The following CD96 variants were observed in gnomAD, a reference collection of about 807,000 sequenced individuals.
The protein encoded by CD96 is T-cell surface protein tactile.
CD96 carries 70 observed loss-of-function variants against 71.3 expected under a neutral mutation model. That is an observed-to-expected ratio of 0.98 (90% CI 0.81 to 1.20). The LOEUF (loss-of-function observed/expected upper bound fraction) is 1.20, where lower values mean the gene tolerates loss of function less well. Ranked by LOEUF, CD96 falls within the 50% of genes most tolerant of loss-of-function variation. The pLI, the probability that CD96 is intolerant of heterozygous loss-of-function variation, is 0.00. For missense variants in CD96, 742 were observed against 677.5 expected (o/e 1.10, Z -1.06); for synonymous variants, 248 against 233.0 (o/e 1.06, Z -0.59).
chr3:111,649,604 T>C, intron 13 of CD96, 94 bp from the exon 14 acceptor site: 1 of 840,916 alleles, frequency 1.2e-6, no homozygotes, highest in South Asian at 1.3e-5. Flanking sequence ...CATCAATCTG[T>C]GTTCTCCTTT....
At chr3:111,571,161 G>A in intron 3 of CD96, 3 of 603,220 alleles carry the variant, frequency 5.0e-6, no homozygotes, top group Non-Finnish European at 6.0e-6. Flanking sequence ...CCTTTTCCCT[G>A]CCCCCTTTTC....
chr3:111,566,311 G>T (rs969882149), intron 2 of CD96, among the ~76,000 whole-genome samples: 1 of 151,898 alleles, frequency 6.6e-6, no homozygotes, highest in African/African-American at 2.4e-5. Flanking sequence ...GATGATCCTT[G>T]CTATATAGCA....
chr3:111,590,339 C>G (rs1936919289), intron 5 of CD96, among the ~76,000 whole-genome samples: 1 of 152,200 alleles, frequency 6.6e-6, no homozygotes, highest in East Asian at 1.9e-4. Flanking sequence ...TTGGCAATTT[C>G]CTGCCCCTCC....
intron 7 of CD96, among the ~76,000 whole-genome samples, chr3:111,604,495 A>G (rs1432579862): frequency 6.6e-6 from 1 of 152,210 alleles, no homozygotes; most frequent in Non-Finnish European, 1.5e-5. Context: ...CTAGACAGAC[A>G]TGTTTAGGTC....
intron 10 of CD96, among the ~76,000 whole-genome samples, chr3:111,625,927 A>C (rs1938726922): frequency 6.6e-6 from 1 of 152,224 alleles, no homozygotes; most frequent in African/African-American, 2.4e-5. Context: ...AAGAATGCCT[A>C]CAAATTAATA....
chr3:111,637,438 T>C (rs565936366), intron 11 of CD96, among the ~76,000 whole-genome samples, 177 bp downstream of exon 11: 14 of 152,284 alleles, frequency 9.2e-5, no homozygotes, highest in African/African-American at 2.4e-4. Flanking sequence ...TCAAAGAAGA[T>C]AGAGACCAAG....
chr3:111,656,355 T>C (rs991622534), downstream of CD96, among the ~76,000 whole-genome samples: 2 of 152,190 alleles, frequency 1.3e-5, no homozygotes, highest in Admixed American at 6.5e-5. Flanking sequence ...TTTGACAATA[T>C]TGTCCGTTAT....
chr3:111,553,379 C>G (rs575796293), intron 2 of CD96, among the ~76,000 whole-genome samples: 1 of 150,822 alleles, frequency 6.6e-6, no homozygotes, highest in African/African-American at 2.4e-5. Context: ...CTTATAAACT[C>G]TAAGTTATCT....
chr3:111,606,646 T>C, intron 7 of CD96, 54 bp from the exon 8 acceptor site: 1 of 906,990 alleles, frequency 1.1e-6, no homozygotes, highest in Non-Finnish European at 1.9e-6. Flanking sequence ...GTCAATACTT[T>C]ATCTTTTGAT....
chr3:111,643,987 C>G (rs1939712172), intron 12 of CD96, among the ~76,000 whole-genome samples: 1 of 151,986 alleles, frequency 6.6e-6, no homozygotes, highest in Non-Finnish European at 1.5e-5. Context: ...AAAAAACAAT[C>G]CTAAAATTCA....
Position 111,600,796 on chromosome 3 carries a change from G to C in CD96, c.969G>C (p.Arg323Ser). 6.2e-7 allele frequency: 1 copy of C among 1,613,158 alleles called. No individual in the cohort carries two copies. Among genetic ancestry groups the C allele is most frequent in the South Asian group, 1.1e-5 (1 of 91,036 alleles). The change falls in exon 7 of 14, where the codon AGG becomes AGC. Residue 323 changes from arginine to serine, a missense_variant. Physicochemically the swap from Arg to Ser is moderately radical, Grantham distance 110 (BLOSUM62 -1). Transcript: ENST00000352690. ...GFLELKSVLT[R>S]VHSNKPAQSD... is the part of the protein sequence containing the mutation. ...TGGAACTGAAGTCTGTTTTAACAAG[G>C]GTACATAGTAATAAACCAGCCCAAT...
intron 3 of CD96, among the ~76,000 whole-genome samples, chr3:111,577,720 CTATT>C (rs1404641021): frequency 6.6e-6 from 1 of 152,136 alleles, no homozygotes; most frequent in Non-Finnish European, 1.5e-5. Flanking sequence ...TCTATTTAAA[CTATT>C]TAAGAAGTCT....
intron 7 of CD96, among the ~76,000 whole-genome samples, chr3:111,606,490 G>A (rs928663040): frequency 2.0e-5 from 3 of 152,130 alleles, no homozygotes; most frequent in African/African-American, 7.2e-5. Context: ...ATGCTTGGCT[G>A]CCTAGTTTCC....
intron 4 of CD96, among the ~76,000 whole-genome samples, chr3:111,582,611 G>A (rs561565463): frequency 5.1e-4 from 77 of 152,192 alleles, no homozygotes; most frequent in African/African-American, 1.8e-3. Flanking sequence ...ACCCAAAACT[G>A]GGAAGAAAAA....
intron 4 of CD96, among the ~76,000 whole-genome samples, chr3:111,581,586 C>G (rs1227852933): frequency 1.3e-5 from 2 of 152,250 alleles, no homozygotes; most frequent in Non-Finnish European, 2.9e-5. Flanking sequence ...ATCTCCTTCA[C>G]TGGTCTCCTT....
chr3:111,638,156 G>A lies in CD96; in HGVS notation c.1465G>A (p.Val489Ile), dbSNP rs372441714. Reference protein sequence around the residue: ...TANGSTKTNHVHITGIVVNKP... With the variant: ...TANGSTKTNHIHITGIVVNKP... ...CAATGGATCTACGAAAACTAATCAC[G>A]TCCATATCACTGGTAAGTCATTTAT... Residue 489 changes from valine to isoleucine, a missense_variant, in exon 12 of 14, where the codon GTC (valine) becomes ATC (isoleucine). Coordinates refer to ENST00000352690, the MANE Select transcript of CD96 (RefSeq NM_005816.5). 18 of 1,590,676 alleles carry A rather than the reference G, an allele frequency of 1.1e-5. No homozygotes were observed. Among genetic ancestry groups the A allele is most frequent in the South Asian group, 3.3e-5 (3 of 90,598 alleles).
At chr3:111,573,799 G>T (rs1936097465) in intron 3 of CD96, among the ~76,000 whole-genome samples, 1 of 145,028 alleles carries the variant, frequency 6.9e-6, no homozygotes, top group South Asian at 2.1e-4. Context: ...AAGGTAAGTG[G>T]TACTATAGAC....
intron 4 of CD96, 71 bp downstream of exon 4, chr3:111,579,305 G>A (rs756049413): frequency 9.2e-6 from 8 of 868,966 alleles, no homozygotes; most frequent in Admixed American, 1.7e-5. Context: ...TGAAGAGGAA[G>A]CACCCTATTA....
intron 8 of CD96, among the ~76,000 whole-genome samples, chr3:111,611,180 CT>C (rs1442857496): frequency 6.6e-6 from 1 of 152,138 alleles, no homozygotes; most frequent in Non-Finnish European, 1.5e-5. Flanking sequence ...CTATCTGGGT[CT>C]TTCTATTCCT....
Sources: allele counts gnomAD v4.1 joint callset (sites outside exome capture counted in the v4.1 genomes callset), GRCh38; gene constraint gnomAD v4.1.1; transcripts MANE v1.5; gene names NCBI Gene and HGNC (gene_info 2026-07-23, HGNC 2026-07-21).